CCDC102B: variants seen among roughly 807,000 people sequenced by gnomAD.
CCDC102B encodes the protein coiled-coil domain containing 102B, also known as coiled-coil domain-containing protein 102B.
A neutral mutation model predicts 57.4 loss-of-function variants in CCDC102B; 75 were observed. The observed-to-expected ratio is 1.31, with a 90% confidence interval of 1.08 to 1.58. CCDC102B has a LOEUF of 1.58. Ranked by LOEUF, CCDC102B falls within the 40% of genes most tolerant of loss-of-function variation. The pLI is 0.00. For synonymous variants in CCDC102B, 206 were observed against 201.9 expected, an observed-to-expected ratio of 1.02 and a Z score of -0.17; for missense variants, 636 against 582.6, an observed-to-expected ratio of 1.09 and a Z score of -0.94.
chr18:69,053,367 A>G (rs2052755112), intron 7 of CCDC102B, among the ~76,000 whole-genome samples: 1 of 151,538 alleles, frequency 6.6e-6, no homozygotes, highest in South Asian at 2.1e-4. Flanking sequence ...GTGAATATGT[A>G]TACATACACG....
At chr18:69,024,025 T>C (rs1263544422) in intron 7 of CCDC102B, among the ~76,000 whole-genome samples, 1 of 151,820 alleles carries the variant, frequency 6.6e-6, no homozygotes, top group African/African-American at 2.4e-5. Flanking sequence ...TAGGAAAAAA[T>C]AGAGGACATT....
At chr18:69,035,609 G>A (rs1335233381) in intron 7 of CCDC102B, among the ~76,000 whole-genome samples, 1 of 151,984 alleles carries the variant, frequency 6.6e-6, no homozygotes, top group Non-Finnish European at 1.5e-5. Flanking sequence ...TTTCTCAAAA[G>A]ACAACTGCTT....
intron 6 of CCDC102B, among the ~76,000 whole-genome samples, chr18:68,971,206 G>A (rs983049845): frequency 2.6e-5 from 4 of 151,702 alleles, no homozygotes; most frequent in South Asian, 2.1e-4. Context: ...TCCTTAGTAC[G>A]TAGACTTAAG....
At chr18:68,912,830 T>A (rs1270468894) in intron 6 of CCDC102B, among the ~76,000 whole-genome samples, 1 of 152,230 alleles carries the variant, frequency 6.6e-6, no homozygotes, top group African/African-American at 2.4e-5. Context: ...AATAAATAGT[T>A]GAGATCCTCT....
chr18:68,903,679 G>A (rs2040528182), intron 6 of CCDC102B, among the ~76,000 whole-genome samples: 1 of 152,110 alleles, frequency 6.6e-6, no homozygotes, highest in Non-Finnish European at 1.5e-5. Flanking sequence ...AAAGTTATGG[G>A]AAAAAGTGGT....
At chr18:68,725,484 G>A (rs1224693558) in intron 2 of CCDC102B, among the ~76,000 whole-genome samples, 1 of 152,190 alleles carries the variant, frequency 6.6e-6, no homozygotes, top group African/African-American at 2.4e-5. Flanking sequence ...TAACGTTGCT[G>A]TTGGAATTTA....
At chr18:68,846,999 G>T (rs2037896682) in intron 4 of CCDC102B, among the ~76,000 whole-genome samples, 1 of 151,612 alleles carries the variant, frequency 6.6e-6, no homozygotes, top group African/African-American at 2.4e-5. Context: ...TTCCCATTTC[G>T]ATGATTTATT....
intron 6 of CCDC102B, chr18:68,899,842 A>G (rs1239969133): frequency 1.3e-5 from 2 of 152,134 alleles, no homozygotes; most frequent in Admixed American, 6.6e-5. Context: ...AAAGAAAACG[A>G]CTTCCAGTTT....
At chr18:68,871,361 A>T (rs1309100815) in intron 4 of CCDC102B, among the ~76,000 whole-genome samples, 1 of 152,116 alleles carries the variant, frequency 6.6e-6, no homozygotes, top group Non-Finnish European at 1.5e-5. Flanking sequence ...ATTCCACTAA[A>T]TTAATCATTG....
At chr18:69,028,309 G>T (rs1180493964) in intron 7 of CCDC102B, among the ~76,000 whole-genome samples, 1 of 152,168 alleles carries the variant, frequency 6.6e-6, no homozygotes, top group Admixed American at 6.5e-5. Flanking sequence ...ATGAATGAAA[G>T]GTTGGTAAGT....
At chr18:69,037,030 C>T (rs77250734) in intron 7 of CCDC102B, among the ~76,000 whole-genome samples, 230 of 4,290 alleles carry the variant, frequency 0.054, 1 homozygote, top group African/African-American at 0.1. Flanking sequence ...TGTATATATA[C>T]ACACACACAC....
chr18:68,759,828 C>A (rs1474474067), intron 2 of CCDC102B, among the ~76,000 whole-genome samples: 1 of 152,062 alleles, frequency 6.6e-6, no homozygotes. Flanking sequence ...TAGGGGACCA[C>A]ATAGATGCCC....
At chr18:68,923,515 T>C (rs1436898310) in intron 6 of CCDC102B, among the ~76,000 whole-genome samples, 1 of 152,030 alleles carries the variant, frequency 6.6e-6, no homozygotes, top group Non-Finnish European at 1.5e-5. Flanking sequence ...TTGTGCTATG[T>C]ATGGTGTGAA....
chr18:69,020,222 C>A (rs2051792878), intron 7 of CCDC102B, among the ~76,000 whole-genome samples: 1 of 152,004 alleles, frequency 6.6e-6, no homozygotes, highest in African/African-American at 2.4e-5. Context: ...AACAAAACTG[C>A]ATAGGATGAG....
At chr18:68,910,789 TTTC>T (rs1403160264) in intron 6 of CCDC102B, among the ~76,000 whole-genome samples, 1 of 152,234 alleles carries the variant, frequency 6.6e-6, no homozygotes, top group African/African-American at 2.4e-5. Flanking sequence ...CTCTGAAATC[TTTC>T]TTCTTTAGGC....
intron 6 of CCDC102B, among the ~76,000 whole-genome samples, chr18:68,929,757 A>T (rs2041602397): frequency 6.6e-6 from 1 of 151,880 alleles, no homozygotes; most frequent in Admixed American, 6.6e-5. Context: ...TACCAGGAAG[A>T]AGAGGAATAT....
chr18:68,842,259 A>T (rs555906454), intron 3 of CCDC102B, among the ~76,000 whole-genome samples: 2 of 151,450 alleles, frequency 1.3e-5, no homozygotes, highest in Middle Eastern at 3.5e-3. Flanking sequence ...ATATTCCTCA[A>T]TGAATACATT....
chr18:68,917,864 A>G (rs1411914002), intron 6 of CCDC102B, among the ~76,000 whole-genome samples: 1 of 152,172 alleles, frequency 6.6e-6, no homozygotes, highest in Non-Finnish European at 1.5e-5. Context: ...TAGCAATATA[A>G]AAAGTTATTT....
chr18:68,960,146 C>T (rs1355666968), intron 6 of CCDC102B, among the ~76,000 whole-genome samples: 2 of 152,222 alleles, frequency 1.3e-5, no homozygotes, highest in Non-Finnish European at 2.9e-5. Context: ...CTAAGGCTCA[C>T]AGTGAGTACT....
Sources: gnomAD v4.1 joint callset for allele counts (sites outside exome capture counted in the v4.1 genomes callset) on GRCh38, gnomAD v4.1.1 for gene constraint, MANE v1.5 for transcripts, NCBI Gene and HGNC (gene_info 2026-07-23, HGNC 2026-07-21) for gene names.